ABHD15: variants seen among roughly 807,000 people sequenced by gnomAD.
The protein encoded by ABHD15 is protein ABHD15.
In ABHD15, 34 loss-of-function variants were observed where a neutral mutation model predicts 34.4. The observed-to-expected ratio is 0.99, with a 90% confidence interval of 0.75 to 1.32. The LOEUF (loss-of-function observed/expected upper bound fraction) is 1.32. Among genes scored for constraint, ABHD15 ranks in the 40% most tolerant of loss-of-function variants. The pLI, the probability that ABHD15 is intolerant of heterozygous loss-of-function variation, is 0.00. For missense variants in ABHD15, 644 were observed against 650.4 expected, an observed-to-expected ratio of 0.99 and a Z score of 0.11; for synonymous variants, 314 against 299.2, an observed-to-expected ratio of 1.05 and a Z score of -0.51.
intron 1 of ABHD15, 137 bp downstream of exon 1, chr17:29,565,949 G>T: frequency 8.3e-7 from 1 of 1,199,022 alleles, no homozygotes; most frequent in Non-Finnish European, 1.1e-6. Flanking sequence ...GGTTTGGAAG[G>T]CTTTGGAAGA....
chr17:29,565,057 C>G (rs956221449), intron 1 of ABHD15, among the ~76,000 whole-genome samples: 1 of 152,006 alleles, frequency 6.6e-6, no homozygotes, highest in Admixed American at 6.6e-5. Flanking sequence ...GGTTCCAGAC[C>G]AGCCTGGCAA....
rs200320070 is a variant in ABHD15, at chr17:29,563,119, A to T, written c.882-33T>A. 2.6e-5 allele frequency: 41 copies of T among 1,572,162 alleles called. No individual in the cohort carries two copies. In the Admixed American group the frequency reaches 4.1e-4, roughly 16 times the overall value. On this transcript the variant is annotated intron_variant, in intron 1 of 1. Transcript: ENST00000307201. ...CGAGGTGTTTAGTGGGGAAGGTGGG[A>T]AAGAGAGGGAAGAATGAGAACATCA... is the stretch of plus-strand genomic sequence containing the variant.
chr17:29,562,567 T>G lies in ABHD15; in HGVS notation c.1401A>C (p.Thr467=), dbSNP rs895939426. 1.1e-5 allele frequency: 18 copies of G among 1,612,660 alleles called. No individual in the cohort carries two copies. Among genetic ancestry groups the G allele is most frequent in the Non-Finnish European group, 1.5e-5 (18 of 1,179,358 alleles). The part of the protein sequence containing the change: ...EEIFNWKRSY[T]R ...GGTTCTCAGGCCAGGTCTTTCACCT[T>G]GTGTATGATCGCTTCCAGTTAAAGA... The change falls in exon 2 of 2, where the codon ACA becomes ACC. Residue 467 remains threonine, a synonymous_variant. Coordinates refer to ENST00000307201, the MANE Select transcript of ABHD15 (RefSeq NM_198147.3).
intron 1 of ABHD15, among the ~76,000 whole-genome samples, chr17:29,565,714 A>G (rs2032695342): frequency 6.6e-6 from 1 of 152,166 alleles, no homozygotes; most frequent in Non-Finnish European, 1.5e-5. Flanking sequence ...ATCGTTTGCA[A>G]TTGCTTCCAG....
Position 29,566,203 on chromosome 17 carries a change from T to C in ABHD15, c.764A>G (p.Tyr255Cys). 1 of 1,610,248 alleles carries C rather than the reference T, an allele frequency of 6.2e-7. No individual in the cohort carries two copies. Among genetic ancestry groups the C allele is most frequent in the Middle Eastern group, 1.7e-4 (1 of 6,030 alleles). ...SYLGECGSSSYVTGAACISPV... is the reference protein window; with the variant it reads ...SYLGECGSSSCVTGAACISPV... The stretch of plus-strand genomic sequence containing the variant: ...CGAGATGCAGGCGGCGCCTGTCACG[T>C]AGCTGGAGGAGCCGCACTCGCCCAG... Residue 255 changes from tyrosine (Y) to cysteine (C), a missense_variant, in exon 1 of 2, where the codon TAC becomes TGC. By Grantham distance (194) the Tyr-to-Cys change is radical. Coordinates refer to ENST00000307201, the MANE Select transcript of ABHD15 (RefSeq NM_198147.3).
At position 29,563,083 on chromosome 17, in the gene ABHD15, A is replaced by G; in HGVS notation, c.885T>C (p.Tyr295=). 1 of 1,598,810 alleles carries G rather than the reference A, an allele frequency of 6.3e-7. No individual in the cohort carries two copies. ...CCACAGTGTCCTCCAGGGCTGTGGCATACCTGGCAGCGAGGTGTTTAGTGG... is the reference window on the plus strand; with the variant it reads ...CCACAGTGTCCTCCAGGGCTGTGGCGTACCTGGCAGCGAGGTGTTTAGTGG... The part of the protein sequence containing the change: ...LLHQKIALSR[Y]ATALEDTVDT... The change falls in exon 2 of 2, where the codon TAT becomes TAC. Residue 295 remains tyrosine (Y), a synonymous_variant. Transcript: ENST00000307201.
At chr17:29,565,787 C>T (rs766921694) in intron 1 of ABHD15, among the ~76,000 whole-genome samples, 5 of 152,324 alleles carry the variant, frequency 3.3e-5, no homozygotes, top group Non-Finnish European at 7.3e-5. Flanking sequence ...TCTCTGCTGT[C>T]GTGGGCCAGG....
chr17:29,563,053 G>C lies in ABHD15; in HGVS notation c.915C>G (p.Thr305=). 6.2e-7 allele frequency: 1 copy of C among 1,609,316 alleles called. No homozygotes were observed. Among genetic ancestry groups the C allele is most frequent in the East Asian group, 2.2e-5 (1 of 44,880 alleles). Residue 305 remains threonine (T), a synonymous_variant, in exon 2 of 2, where the codon ACC becomes ACG. Transcript: ENST00000307201. The stretch of plus-strand genomic sequence containing the variant: ...GGGAACGGCTCCTGAACAGTCTGCT[G>C]GTGTCCACAGTGTCCTCCAGGGCTG... ...YATALEDTVD[T]SRLFRSRSLR...
intron 1 of ABHD15, among the ~76,000 whole-genome samples, chr17:29,565,388 C>T (rs189375553): frequency 6.6e-6 from 1 of 152,066 alleles, no homozygotes; most frequent in African/African-American, 2.4e-5. Context: ...AGTGCAGTGG[C>T]CTGACCAGGG....
intron 1 of ABHD15, among the ~76,000 whole-genome samples, chr17:29,564,381 G>T (rs1470541658): frequency 6.6e-6 from 1 of 152,222 alleles, no homozygotes; most frequent in Non-Finnish European, 1.5e-5. Flanking sequence ...AATTGAGTTG[G>T]TCATTAATTT....
At chr17:29,564,397 G>C (rs999258639) in intron 1 of ABHD15, among the ~76,000 whole-genome samples, 1 of 152,166 alleles carries the variant, frequency 6.6e-6, no homozygotes, top group African/African-American at 2.4e-5. Context: ...AATTTACTGG[G>C]TGGATTCCTA....
rs771990497 is a variant in ABHD15 at position 29,566,919 on chromosome 17, G to A, written c.48C>T (p.Ala16=). The A allele has an allele frequency of 1.3e-6, 2 of 1,483,520 alleles. No individual in the cohort carries two copies. Among genetic ancestry groups the A allele is most frequent in the South Asian group, 2.5e-5 (2 of 78,488 alleles). The allele number at this position is 1,483,520 out of a possible 1,614,324, so 91.9% of individuals were successfully genotyped here. A position where few individuals can be genotyped will look rare whatever the true frequency, so the allele number is the denominator to read the frequency against. ...AALALILAVL[A]LLGLLGPRLR... Reference sequence around the variant, plus strand: ...GCCGCGGGCCGAGCAGGCCGAGAAGGGCGAGCACGGCCAAGATGAGCGCGA... The same window carrying A: ...GCCGCGGGCCGAGCAGGCCGAGAAGAGCGAGCACGGCCAAGATGAGCGCGA... Residue 16 remains alanine, a synonymous_variant, in exon 1 of 2, where the codon GCC becomes GCT. Coordinates refer to ENST00000307201, the MANE Select transcript of ABHD15 (RefSeq NM_198147.3).
rs759870826 is a variant in ABHD15, at chr17:29,566,168, G to A, written c.799C>T (p.Arg267Cys). The A allele has an allele frequency of 6.8e-6, 11 of 1,607,392 alleles. No homozygotes were observed. The highest frequency in any genetic ancestry group is 2.7e-5 in the African/African-American group (2 of 74,918). Residue 267 changes from arginine (R) to cysteine (C), a missense_variant, in exon 1 of 2, where the codon CGC (arginine) becomes TGC (cysteine). Physicochemically the swap from Arg to Cys is radical, Grantham distance 180. Coordinates refer to ENST00000307201, the MANE Select transcript of ABHD15 (RefSeq NM_198147.3). Reference protein sequence around the residue: ...TGAACISPVLRCREWFEAGLP... With the variant: ...TGAACISPVLCCREWFEAGLP... ...CCGGCCTCGAACCACTCTCGGCAGC[G>A]CAGCACGGGCGAGATGCAGGCGGCG...
At position 29,561,348 on chromosome 17, in the gene ABHD15, C is replaced by G. The variant is rs762039818; in HGVS notation, c.*1213G>C. The G allele has an allele frequency of 6.6e-6, 1 of 152,172 alleles. No homozygotes were observed. Among genetic ancestry groups the G allele is most frequent in the Non-Finnish European group, 1.5e-5 (1 of 68,034 alleles). The allele number at this position is 152,172 out of a possible 1,614,324, so 9.4% of individuals were successfully genotyped here. A position where few individuals can be genotyped will look rare whatever the true frequency, so the allele number is the denominator to read the frequency against. On this transcript the variant is annotated 3_prime_UTR_variant, in exon 2 of 2. Transcript: ENST00000307201. The stretch of plus-strand genomic sequence containing the variant: ...ATCCAAACCAGAATATTTAGATCAA[C>G]CTGTATACTATATATTATCTCTGAT...
At chr17:29,564,671 T>C (rs2150789859) in intron 1 of ABHD15, among the ~76,000 whole-genome samples, 1 of 152,276 alleles carries the variant, frequency 6.6e-6, no homozygotes, top group East Asian at 1.9e-4. Flanking sequence ...CTGGACAACA[T>C]GGCACAATCC....
intron 1 of ABHD15, among the ~76,000 whole-genome samples, chr17:29,564,545 G>C (rs1310768779): frequency 6.6e-6 from 1 of 152,212 alleles, no homozygotes; most frequent in Non-Finnish European, 1.5e-5. Context: ...TCCAGCCTCA[G>C]ACAGTTGAAA....
chr17:29,563,166 C>A (rs749497331), intron 1 of ABHD15, 80 bp from the exon 2 acceptor site: 2 of 1,489,630 alleles, frequency 1.3e-6, no homozygotes, highest in Non-Finnish European at 1.8e-6. Flanking sequence ...ATGAGACAGA[C>A]AGACAGCCCG....
At position 29,562,621 on chromosome 17, in the gene ABHD15, T is replaced by C; in HGVS notation, c.1347A>G (p.Glu449=). Residue 449 remains glutamate (E), a synonymous_variant, in exon 2 of 2, where the codon GAA becomes GAG. Transcript: ENST00000307201. ...RRRGGALQRR[E]VSSSSNLEEI... ...CCTCCAGGTTGGAAGAGGAAGAGAC[T>C]TCCCGCCTCTGCAAGGCTCCCCCAC... The C allele has an allele frequency of 6.2e-7, 1 of 1,614,048 alleles. No individual in the cohort carries two copies. Among genetic ancestry groups the C allele is most frequent in the Non-Finnish European group, 8.5e-7 (1 of 1,180,016 alleles).
Position 29,562,609 on chromosome 17 carries a change from A to G in ABHD15, c.1359T>C (p.Ser453=). 6.2e-7 allele frequency: 1 copy of G among 1,614,004 alleles called. No individual in the cohort carries two copies. The highest frequency in any genetic ancestry group is 1.3e-5 in the African/African-American group (1 of 75,038). ...AGTTAAAGATCTCCTCCAGGTTGGA[A>G]GAGGAAGAGACTTCCCGCCTCTGCA... The part of the protein sequence containing the change: ...GALQRREVSS[S]SNLEEIFNWK... The change falls in exon 2 of 2, where the codon TCT becomes TCC. Residue 453 remains serine, a synonymous_variant. Coordinates refer to ENST00000307201, the MANE Select transcript of ABHD15 (RefSeq NM_198147.3).
Sources: gnomAD v4.1 joint callset for allele counts (sites outside exome capture counted in the v4.1 genomes callset) on GRCh38, gnomAD v4.1.1 for gene constraint, MANE v1.5 for transcripts, NCBI Gene and HGNC (gene_info 2026-07-23, HGNC 2026-07-21) for gene names.